The following KDM4C variants were observed in gnomAD, a reference collection of about 807,000 sequenced individuals.
KDM4C encodes the protein lysine demethylase 4C.
Under a neutral mutation model 129.3 loss-of-function variants are expected in KDM4C, and 81 were observed. That is an observed-to-expected ratio of 0.63 (90% CI 0.52 to 0.75). KDM4C has a LOEUF of 0.75. Ranked by LOEUF, KDM4C falls within the 30% of genes least tolerant of loss-of-function variation. KDM4C has a pLI of 0.00. For missense variants in KDM4C, 1,457 were observed against 1,304.0 expected (o/e 1.12, Z -1.81); for synonymous variants, 573 against 456.1 (o/e 1.26, Z -3.26).
intron 8 of KDM4C, among the ~76,000 whole-genome samples, chr9:6,895,638 A>G (rs1253432956): frequency 6.6e-6 from 1 of 152,184 alleles, no homozygotes; most frequent in African/African-American, 2.4e-5. Context: ...GCAGTAGCTC[A>G]TGCCTATAAC....
At chr9:6,871,640 T>C (rs935368860) in intron 5 of KDM4C, among the ~76,000 whole-genome samples, 3 of 152,342 alleles carry the variant, frequency 2.0e-5, no homozygotes, top group African/African-American at 7.2e-5. Flanking sequence ...GGTAGGCATT[T>C]TATTTGATGG....
intron 19 of KDM4C, among the ~76,000 whole-genome samples, chr9:7,145,157 G>A (rs990026024): frequency 2.7e-5 from 4 of 146,206 alleles, no homozygotes; most frequent in African/African-American, 1.0e-4. Flanking sequence ...CAAAGAGGAA[G>A]CTGACATTAT....
intron 15 of KDM4C, among the ~76,000 whole-genome samples, chr9:7,037,076 A>T (rs968683352): frequency 6.6e-6 from 1 of 152,196 alleles, no homozygotes; most frequent in Admixed American, 6.5e-5. Flanking sequence ...ATAATGAGCC[A>T]CATATCCAGA....
chr9:6,935,820 G>A (rs757030757), intron 8 of KDM4C, among the ~76,000 whole-genome samples: 9 of 151,960 alleles, frequency 5.9e-5, no homozygotes, highest in African/African-American at 1.2e-4. Flanking sequence ...TTTTTGCGGG[G>A]AATTTTTCTT....
At chr9:6,804,188 A>C (rs1293219536) in intron 2 of KDM4C, among the ~76,000 whole-genome samples, 1 of 152,060 alleles carries the variant, frequency 6.6e-6, no homozygotes, top group Non-Finnish European at 1.5e-5. Context: ...GTATCTTTTC[A>C]CTCTTAGTAA....
At chr9:6,816,149 G>T (rs368027122) in intron 4 of KDM4C, among the ~76,000 whole-genome samples, 1 of 152,090 alleles carries the variant, frequency 6.6e-6, no homozygotes. Flanking sequence ...CTGACTATCT[G>T]TCCCCAACAG....
chr9:6,802,105 CAA>C (rs34465609), intron 2 of KDM4C, among the ~76,000 whole-genome samples: 13 of 117,686 alleles, frequency 1.1e-4, no homozygotes, highest in East Asian at 2.4e-4. Flanking sequence ...AACTTTGTCT[CAA>C]AAAAAAAAAA....
chr9:7,022,799 C>T (rs1396071047), intron 15 of KDM4C, among the ~76,000 whole-genome samples: 1 of 151,958 alleles, frequency 6.6e-6, no homozygotes, highest in Non-Finnish European at 1.5e-5. Flanking sequence ...TCATATATGG[C>T]TTTTATTGTG....
intron 19 of KDM4C, among the ~76,000 whole-genome samples, chr9:7,142,721 G>T (rs956234670): frequency 6.6e-6 from 1 of 152,066 alleles, no homozygotes; most frequent in Non-Finnish European, 1.5e-5. Context: ...CATACCCATG[G>T]CTGGCTAAAG....
chr9:6,902,221 A>G (rs1432722519), intron 8 of KDM4C, among the ~76,000 whole-genome samples: 1 of 152,224 alleles, frequency 6.6e-6, no homozygotes, highest in African/African-American at 2.4e-5. Context: ...TCCAAGAATT[A>G]ATAGGTGTTG....
intron 8 of KDM4C, among the ~76,000 whole-genome samples, chr9:6,940,030 CTT>C (rs1563850181): frequency 1.5e-4 from 20 of 133,570 alleles, no homozygotes; most frequent in African/African-American, 5.7e-4. Context: ...TCCTTCCTTC[CTT>C]CTTTCCTTCC....
intron 19 of KDM4C, among the ~76,000 whole-genome samples, chr9:7,142,671 C>G (rs1418948787): frequency 6.6e-6 from 1 of 152,158 alleles, no homozygotes. Context: ...TAATTAGCAA[C>G]TAATATTTAA....
intron 8 of KDM4C, among the ~76,000 whole-genome samples, chr9:6,910,480 G>A (rs554167935): frequency 3.9e-5 from 6 of 152,282 alleles, no homozygotes; most frequent in Admixed American, 3.9e-4. Flanking sequence ...AAGACAGGCA[G>A]TTCACTAAAG....
chr9:6,840,099 G>T (rs1009826020), intron 4 of KDM4C, among the ~76,000 whole-genome samples: 2 of 150,404 alleles, frequency 1.3e-5, no homozygotes, highest in Non-Finnish European at 3.0e-5. Context: ...TTGGAGACAG[G>T]TCTCACTCTG....
intron 12 of KDM4C, among the ~76,000 whole-genome samples, chr9:7,002,525 C>G (rs992321159): frequency 6.6e-6 from 1 of 152,152 alleles, no homozygotes; most frequent in Non-Finnish European, 1.5e-5. Context: ...GTGGCTCTTT[C>G]TCCTTTTTCA....
intron 11 of KDM4C, among the ~76,000 whole-genome samples, chr9:6,987,954 T>C (rs1818013471): frequency 6.6e-6 from 1 of 151,340 alleles, no homozygotes; most frequent in African/African-American, 2.4e-5. Flanking sequence ...GCCCAGAGGT[T>C]CGAGATGAGC....
intron 15 of KDM4C, among the ~76,000 whole-genome samples, chr9:7,032,692 A>G (rs143505400): frequency 1.6e-3 from 242 of 152,292 alleles, no homozygotes; most frequent in African/African-American, 5.7e-3. Flanking sequence ...GTGTGTCCTA[A>G]GAGAACCAGG....
At chr9:6,780,729 T>G (rs1453080359) in intron 1 of KDM4C, among the ~76,000 whole-genome samples, 4 of 141,412 alleles carry the variant, frequency 2.8e-5, no homozygotes, top group African/African-American at 8.1e-5. Context: ...GATTCCGCCA[T>G]TGTACTCCAG....
chr9:7,052,552 T>C (rs1830289384), intron 17 of KDM4C, among the ~76,000 whole-genome samples: 1 of 152,240 alleles, frequency 6.6e-6, no homozygotes, highest in Admixed American at 6.5e-5. Flanking sequence ...CATATTGCTC[T>C]AAAGCAAGGC....
Sources: gnomAD v4.1 joint callset for allele counts (sites outside exome capture counted in the v4.1 genomes callset) on GRCh38, gnomAD v4.1.1 for gene constraint, MANE v1.5 for transcripts, NCBI Gene and HGNC (gene_info 2026-07-23, HGNC 2026-07-21) for gene names.